Variants in SHROOM2 observed in about 807,000 individuals in gnomAD.
SHROOM2 encodes shroom family member 2.
In SHROOM2, 33 loss-of-function variants were observed where a neutral mutation model predicts 75.9. That is an observed-to-expected ratio of 0.43 (90% CI 0.33 to 0.58). SHROOM2 has a LOEUF of 0.58. Among genes scored for constraint, SHROOM2 ranks in the 20% least tolerant of loss-of-function variants. SHROOM2 has a pLI of 0.04. For synonymous variants in SHROOM2, 655 were observed against 663.6 expected (o/e 0.99, Z 0.20); for missense variants, 1,434 against 1,461.2 (o/e 0.98, Z 0.30).
intron 1 of SHROOM2, among the ~76,000 whole-genome samples, chrX:9,798,606 T>G (rs2083706857): frequency 8.9e-6 from 1 of 112,162 alleles, no homozygotes; most frequent in Non-Finnish European, 1.9e-5. Flanking sequence ...TCAACAATCT[T>G]TGGAATCAGA....
intron 1 of SHROOM2, among the ~76,000 whole-genome samples, chrX:9,855,166 G>A (rs954585148): frequency 1.1e-4 from 12 of 107,360 alleles, no homozygotes; most frequent in African/African-American, 4.1e-4. Context: ...TGGGGGTAGA[G>A]GGATAACATT....
intron 1 of SHROOM2, among the ~76,000 whole-genome samples, chrX:9,864,145 G>A (rs1470327520): frequency 9.0e-6 from 1 of 110,990 alleles, no homozygotes; most frequent in African/African-American, 3.3e-5. Flanking sequence ...TTGCTGGATG[G>A]GTCACATTTC....
rs779137981 is a variant in SHROOM2 at position 9,894,723 on chromosome X, T to A, written c.815T>A (p.Val272Asp). The A allele has an allele frequency of 2.0e-5, 24 of 1,208,910 alleles. No homozygotes were observed. The highest frequency in any genetic ancestry group is 3.5e-5 in the South Asian group (2 of 56,589). ...EEKLSCFPPRVPGDSGKGPRP... is the reference protein window; with the variant it reads ...EEKLSCFPPRDPGDSGKGPRP... The stretch of plus-strand genomic sequence containing the variant: ...AAGCTCAGTTGTTTCCCGCCCAGGG[T>A]CCCCGGTGACAGCGGCAAAGGCCCC... Residue 272 changes from valine to aspartate, a missense_variant, in exon 4 of 10, where the codon GTC becomes GAC. Around this residue, in one of 3 missense-constraint regions of SHROOM2, gnomAD observed 1,340 missense variants for 1,338.3 expected, o/e 1.00. Transcript: ENST00000380913.
At chrX:9,898,353 G>A in intron 5 of SHROOM2, 63 bp downstream of exon 5, 1 of 876,553 alleles carries the variant, frequency 1.1e-6, no homozygotes, top group Non-Finnish European at 1.6e-6. Flanking sequence ...CTGTACGATG[G>A]GTGGGTGCTT....
rs1181239372 is a variant in SHROOM2 at position 9,839,027 on chromosome X, A to T, written c.166-34625A>T. Among the ~76,000 whole-genome samples, 3 of 111,267 alleles carry T rather than the reference A, an allele frequency of 2.7e-5. No individual in the cohort carries two copies. The Admixed American group carries it at 2.9e-4, about 11-fold the overall frequency. ...CCTTCCCTGTCGCACGTGGAAGGAA[A>T]TCAGAAACCAAGCAAGAGAGCTGGG... On this transcript the variant is annotated intron_variant, in intron 1 of 9. Transcript: ENST00000380913.
chrX:9,868,993 G>C, intron 1 of SHROOM2, among the ~76,000 whole-genome samples: 1 of 111,240 alleles, frequency 9.0e-6, no homozygotes, highest in African/African-American at 3.3e-5. Context: ...GTCTCACTTT[G>C]TCGCCCAGGC....
intron 2 of SHROOM2, among the ~76,000 whole-genome samples, chrX:9,890,582 C>T (rs902307740): frequency 7.1e-5 from 8 of 112,744 alleles, no homozygotes; most frequent in Admixed American, 1.8e-4. Context: ...GCGCGCTGTG[C>T]GCATTCCCTG....
In SHROOM2 at chrX:9,937,496, A is replaced by G. The variant is rs2084724688; in HGVS notation, c.3950A>G (p.Glu1317Gly). ...AAGACTGTGGAAGACCTGAAGTCGGAGGAGCTGGCCAGGGAGATCGTGGGG... is the reference window on the plus strand; with the variant it reads ...AAGACTGTGGAAGACCTGAAGTCGGGGGAGCTGGCCAGGGAGATCGTGGGG... ...KEKTVEDLKS[E>G]ELAREIVGKD... The change falls in exon 7 of 10, where the codon GAG (glutamate) becomes GGG (glycine). Residue 1317 changes from glutamate (E) to glycine (G), a missense_variant. Transcript: ENST00000380913. The G allele has an allele frequency of 4.1e-6, 5 of 1,211,832 alleles. No individual in the cohort carries two copies. The highest frequency in any genetic ancestry group is 5.6e-6 in the Non-Finnish European group (5 of 895,544).
Position 9,937,599 on chromosome X carries a change from C to T in SHROOM2, c.4053C>T (p.Phe1351=). Residue 1351 remains phenylalanine (F), a synonymous_variant, in exon 7 of 10, where the codon TTC becomes TTT. Coordinates refer to ENST00000380913, the MANE Select transcript of SHROOM2 (RefSeq NM_001649.4). The part of the protein sequence containing the change: ...KTTMDLMEGI[F]PKDEHLLEEA... Reference sequence around the variant, plus strand: ...CTATGGACTTGATGGAAGGCATCTTCCCCAAAGACGAGCACCTCCTGGAAG... The same window carrying T: ...CTATGGACTTGATGGAAGGCATCTTTCCCAAAGACGAGCACCTCCTGGAAG... The T allele has an allele frequency of 8.3e-7, 1 of 1,211,423 alleles. No individual in the cohort carries two copies. Among genetic ancestry groups the T allele is most frequent in the African/African-American group, 1.7e-5 (1 of 57,865 alleles).
chrX:9,845,167 G>C (rs1236282449), intron 1 of SHROOM2, among the ~76,000 whole-genome samples: 2 of 112,197 alleles, frequency 1.8e-5, no homozygotes, highest in African/African-American at 6.5e-5. Flanking sequence ...CAAGCAGGTG[G>C]CAGGCCAGGT....
At chrX:9,847,089 G>A (rs1478832079) in intron 1 of SHROOM2, among the ~76,000 whole-genome samples, 2 of 111,983 alleles carry the variant, frequency 1.8e-5, no homozygotes, top group Non-Finnish European at 3.8e-5. Context: ...TTATTATTCC[G>A]TGCTTGTCTT....
At chrX:9,805,767 T>C (rs952969675) in intron 1 of SHROOM2, among the ~76,000 whole-genome samples, 2 of 109,824 alleles carry the variant, frequency 1.8e-5, no homozygotes, top group Non-Finnish European at 3.8e-5. Flanking sequence ...AAGACTTGAG[T>C]TGGGACTTAA....
chrX:9,822,405 C>A (rs2083857939), intron 1 of SHROOM2, among the ~76,000 whole-genome samples: 1 of 111,942 alleles, frequency 8.9e-6, no homozygotes, highest in African/African-American at 3.2e-5. Context: ...GTGGCAAAGA[C>A]CACTTGTAAT....
intron 1 of SHROOM2, among the ~76,000 whole-genome samples, chrX:9,845,140 A>G (rs759039042): frequency 8.8e-4 from 99 of 112,391 alleles, no homozygotes; most frequent in African/African-American, 2.9e-3. Flanking sequence ...GCTGTGTTCC[A>G]CTAAACCTTT....
At chrX:9,865,861 C>T (rs761766656) in intron 1 of SHROOM2, among the ~76,000 whole-genome samples, 1 of 110,478 alleles carries the variant, frequency 9.1e-6, no homozygotes, top group African/African-American at 3.3e-5. Flanking sequence ...CGCCTGGCCT[C>T]CTGCTGCCTT....
At chrX:9,817,739 A>G (rs1167085653) in intron 1 of SHROOM2, among the ~76,000 whole-genome samples, 1 of 112,256 alleles carries the variant, frequency 8.9e-6, no homozygotes, top group Non-Finnish European at 1.9e-5. Context: ...CTTATGTAGT[A>G]CTATTTCTTA....
intron 5 of SHROOM2, among the ~76,000 whole-genome samples, chrX:9,925,996 C>T (rs2084590415): frequency 1.8e-5 from 2 of 111,628 alleles, no homozygotes; most frequent in South Asian, 7.5e-4. Context: ...TTGTATGGTG[C>T]TGGTGTCACA....
chrX:9,887,712 T>A (rs1036037714), intron 2 of SHROOM2, among the ~76,000 whole-genome samples: 3 of 112,000 alleles, frequency 2.7e-5, no homozygotes, highest in African/African-American at 9.7e-5. Flanking sequence ...CTCTAGAAAA[T>A]CTCTAAAAGG....
chrX:9,834,087 T>C (rs965366915), intron 1 of SHROOM2, among the ~76,000 whole-genome samples: 12 of 112,633 alleles, frequency 1.1e-4, no homozygotes, highest in African/African-American at 3.9e-4. Flanking sequence ...GGGATGCCAC[T>C]GGCCTTTGTG....
Sources: allele counts gnomAD v4.1 joint callset (sites outside exome capture counted in the v4.1 genomes callset), GRCh38; gene constraint gnomAD v4.1.1; regional missense constraint gnomAD v4.1.1; transcripts MANE v1.5; gene names NCBI Gene and HGNC (gene_info 2026-07-23, HGNC 2026-07-21).